Variants in CDH20 observed in about 807,000 individuals in gnomAD.
CDH20 encodes the protein cadherin-20.
A neutral mutation model predicts 74.2 loss-of-function variants in CDH20; 29 were observed. The ratio of observed to expected loss-of-function variants is 0.39; its 90% CI spans 0.29 to 0.53. The LOEUF is 0.53. CDH20 is among the 20% of genes least tolerant of loss of function. The pLI is 0.69. For missense variants in CDH20, 988 were observed against 1,048.3 expected (o/e 0.94, Z 0.79); for synonymous variants, 469 against 405.4 (o/e 1.16, Z -1.88).
At chr18:61,506,952 A>AG (rs1294305292) in intron 5 of CDH20, among the ~76,000 whole-genome samples, 3 of 152,218 alleles carry the variant, frequency 2.0e-5, no homozygotes, top group Admixed American at 1.3e-4. Context: ...ATGAAAAAAA[A>AG]GATGGACATT....
At chr18:61,368,348 A>G (rs1170374128) in intron 1 of CDH20, among the ~76,000 whole-genome samples, 1 of 145,430 alleles carries the variant, frequency 6.9e-6, no homozygotes, top group Non-Finnish European at 1.5e-5. Context: ...TTTAATTTCA[A>G]GTGTTTATTA....
chr18:61,500,012 G>T (rs1459274183), intron 3 of CDH20, among the ~76,000 whole-genome samples: 1 of 150,198 alleles, frequency 6.7e-6, no homozygotes, highest in Non-Finnish European at 1.5e-5. Flanking sequence ...GCTGAGGCAG[G>T]GGAATCACTT....
chr18:61,446,042 GAGAC>G (rs1909190475), intron 1 of CDH20, among the ~76,000 whole-genome samples: 1 of 152,150 alleles, frequency 6.6e-6, no homozygotes, highest in East Asian at 1.9e-4. Context: ...TCCCAAGAGA[GAGAC>G]AGACAGAAGC....
intron 1 of CDH20, among the ~76,000 whole-genome samples, chr18:61,463,867 T>G (rs1909866733): frequency 6.6e-6 from 1 of 151,842 alleles, no homozygotes; most frequent in Admixed American, 6.6e-5. Context: ...AATGGGAAAA[T>G]ATGTGCCCCT....
intron 6 of CDH20, among the ~76,000 whole-genome samples, chr18:61,515,015 T>C (rs1911937692): frequency 6.6e-6 from 1 of 152,014 alleles, no homozygotes; most frequent in Non-Finnish European, 1.5e-5. Context: ...CCTTGAGCTG[T>C]GGTGGGCTCC....
At chr18:61,539,446 AG>A (rs1484107780) in intron 9 of CDH20, among the ~76,000 whole-genome samples, 2 of 152,216 alleles carry the variant, frequency 1.3e-5, no homozygotes, top group East Asian at 3.8e-4. Context: ...TCTCTAAAAA[AG>A]TGAAAAAACA....
At chr18:61,338,471 A>G (rs1451561125) in intron 1 of CDH20, among the ~76,000 whole-genome samples, 1 of 152,190 alleles carries the variant, frequency 6.6e-6, no homozygotes, top group Non-Finnish European at 1.5e-5. Flanking sequence ...ACTCAAGTGC[A>G]ATGCAAAATA....
intron 1 of CDH20, among the ~76,000 whole-genome samples, chr18:61,457,060 C>A (rs1436631117): frequency 5.3e-5 from 8 of 152,114 alleles, no homozygotes; most frequent in Admixed American, 4.6e-4. Flanking sequence ...TCTGGTAGAA[C>A]TTTTTCCAGT....
At chr18:61,413,807 T>C (rs1378030524) in intron 1 of CDH20, among the ~76,000 whole-genome samples, 1 of 152,104 alleles carries the variant, frequency 6.6e-6, no homozygotes, top group Non-Finnish European at 1.5e-5. Context: ...CTTAAAAATG[T>C]GATGGTAACA....
intron 2 of CDH20, among the ~76,000 whole-genome samples, chr18:61,497,238 T>C (rs4941021): frequency 0.34 from 52,342 of 151,976 alleles, 9,675 homozygotes; most frequent in East Asian, 0.59. Flanking sequence ...CCCTTATTTC[T>C]CTTTCTAGAT....
intron 1 of CDH20, among the ~76,000 whole-genome samples, chr18:61,461,184 C>A (rs76831685): frequency 6.6e-6 from 1 of 151,828 alleles, no homozygotes; most frequent in Non-Finnish European, 1.5e-5. Flanking sequence ...TTATTACTCA[C>A]GAGTATTCTA....
At chr18:61,407,370 A>T (rs1359834714) in intron 1 of CDH20, among the ~76,000 whole-genome samples, 1 of 152,244 alleles carries the variant, frequency 6.6e-6, no homozygotes, top group Non-Finnish European at 1.5e-5. Flanking sequence ...GAGACAGAGA[A>T]AGAAGTTAAC....
chr18:61,529,211 G>A (rs1054568457), intron 7 of CDH20, among the ~76,000 whole-genome samples: 6 of 152,168 alleles, frequency 3.9e-5, no homozygotes, highest in African/African-American at 1.4e-4. Context: ...ATTAATTGTT[G>A]AAAGCCACAC....
At chr18:61,465,966 G>A (rs552642044) in intron 1 of CDH20, among the ~76,000 whole-genome samples, 2 of 152,146 alleles carry the variant, frequency 1.3e-5, no homozygotes, top group Admixed American at 1.3e-4. Flanking sequence ...AGGCTGAGGT[G>A]GGAGGATGAC....
At chr18:61,435,819 A>G (rs1008641931) in intron 1 of CDH20, among the ~76,000 whole-genome samples, 2 of 151,988 alleles carry the variant, frequency 1.3e-5, no homozygotes, top group African/African-American at 2.4e-5. Context: ...TGCAAATTCA[A>G]TGTTTTTTAA....
At chr18:61,356,243 A>G (rs1218300591) in intron 1 of CDH20, among the ~76,000 whole-genome samples, 1 of 152,226 alleles carries the variant, frequency 6.6e-6, no homozygotes, top group Non-Finnish European at 1.5e-5. Context: ...TATTTCATGG[A>G]TCTTTGCAAT....
At chr18:61,385,723 G>A (rs140705315) in intron 1 of CDH20, among the ~76,000 whole-genome samples, 161 of 152,148 alleles carry the variant, frequency 1.1e-3, no homozygotes, top group African/African-American at 3.7e-3. Flanking sequence ...ACAAGGTCAG[G>A]AGTTTGAGAC....
intron 1 of CDH20, among the ~76,000 whole-genome samples, chr18:61,412,326 T>C (rs62098089): frequency 0.016 from 2,470 of 152,262 alleles, 30 homozygotes; most frequent in Non-Finnish European, 0.024. Flanking sequence ...GTTGGCAAAA[T>C]TTTGTTATGT....
intron 1 of CDH20, among the ~76,000 whole-genome samples, chr18:61,454,832 C>T (rs142412735): frequency 2.6e-5 from 4 of 152,330 alleles, no homozygotes; most frequent in East Asian, 1.9e-4. Flanking sequence ...ACAGCATCCT[C>T]GGGGTTTGTA....
Sources: gnomAD v4.1 joint callset for allele counts (sites outside exome capture counted in the v4.1 genomes callset) on GRCh38, gnomAD v4.1.1 for gene constraint, MANE v1.5 for transcripts, NCBI Gene and HGNC (gene_info 2026-07-23, HGNC 2026-07-21) for gene names.